Variants in NAV2 observed in about 807,000 individuals in gnomAD.
NAV2 encodes neuron navigator 2, also known as helicase, APC down-regulated 1.
In NAV2, 54 loss-of-function variants were observed where a neutral mutation model predicts 223.2. The ratio of observed to expected loss-of-function variants is 0.24; its 90% CI spans 0.19 to 0.30. NAV2 has a LOEUF of 0.30. NAV2 is among the 10% of genes least tolerant of loss of function. NAV2 has a pLI of 1.00. For synonymous variants in NAV2, 1,279 were observed against 1,239.3 expected (o/e 1.03, Z -0.67); for missense variants, 2,806 against 3,147.5 (o/e 0.89, Z 2.60).
chr11:19,842,045 C>T (rs2060541430), intron 2 of NAV2, among the ~76,000 whole-genome samples: 1 of 152,138 alleles, frequency 6.6e-6, no homozygotes, highest in Admixed American at 6.5e-5. Context: ...CGTATCTTTG[C>T]CTCCAAAGTC....
intron 1 of NAV2, among the ~76,000 whole-genome samples, chr11:19,786,060 CA>C (rs1236904532): frequency 5.3e-5 from 8 of 152,080 alleles, no homozygotes; most frequent in Non-Finnish European, 2.9e-5. Context: ...AAAAAAAGGG[CA>C]AAGACAGGAA....
rs148612815 is a variant in NAV2 at position 19,762,858 on chromosome 11, C to T, written c.267+48896C>T. On this transcript the variant is annotated intron_variant, in intron 1 of 37. Transcript: ENST00000349880. ...CAATTTCTTGACCTTGTGATCCGCC[C>T]GCCTCAGCCTCCCAAAGTACTAGGA... 3.8e-3 allele frequency among the ~76,000 whole-genome samples: 571 copies of T among 152,184 alleles called. 3 individuals are homozygous for T. The highest frequency in any genetic ancestry group is 0.02 in the Middle Eastern group (6 of 294).
At chr11:19,392,304 C>A (rs1264615378) in intron 1 of NAV2, among the ~76,000 whole-genome samples, 1 of 152,142 alleles carries the variant, frequency 6.6e-6, no homozygotes, top group Non-Finnish European at 1.5e-5. Context: ...ATATAACAAA[C>A]CACTCCAACA....
chr11:20,024,936 A>C (rs2054901801), intron 11 of NAV2, among the ~76,000 whole-genome samples: 1 of 152,228 alleles, frequency 6.6e-6, no homozygotes, highest in African/African-American at 2.4e-5. Flanking sequence ...ATGTTTTAAA[A>C]GTAACTTGAT....
Position 19,568,227 on chromosome 11 carries a change from A to C in NAV2, c.75+217200A>C, listed in dbSNP as rs2045327618. ...TCTTCCTTTGAGTATCACTCTGTGA[A>C]GCTTAGGAGGCCACCAGGGCTGTCT... On this transcript the variant is annotated intron_variant, in intron 1 of 37. Transcript: ENST00000360655. Among the ~76,000 whole-genome samples the C allele has an allele frequency of 2.0e-5, 3 of 152,220 alleles. No homozygotes were observed. In the South Asian group the frequency reaches 6.2e-4, roughly 31 times the overall value.
At chr11:20,033,254 T>C (rs2055967704) in intron 11 of NAV2, among the ~76,000 whole-genome samples, 1 of 152,234 alleles carries the variant, frequency 6.6e-6, no homozygotes, top group Admixed American at 6.5e-5. Context: ...TAACAATATA[T>C]TTAAAGTACC....
intron 10 of NAV2, 130 bp downstream of exon 10, chr11:19,949,210 C>T (rs748237102): frequency 7.5e-5 from 78 of 1,033,310 alleles, no homozygotes; most frequent in Non-Finnish European, 1.1e-4. Flanking sequence ...CTGTCCATAT[C>T]AAAGGCTGTG....
At chr11:19,732,326 G>A (rs2051869654) in intron 1 of NAV2, among the ~76,000 whole-genome samples, 1 of 151,792 alleles carries the variant, frequency 6.6e-6, no homozygotes, top group Non-Finnish European at 1.5e-5. Flanking sequence ...CATCTCTACT[G>A]TGTGACCTCA....
chr11:19,445,185 C>T lies in NAV2; in HGVS notation c.75+94158C>T, dbSNP rs116714470. On this transcript the variant is annotated intron_variant, in intron 1 of 37. Coordinates refer to the NAV2 transcript ENST00000360655. Reference sequence around the variant, plus strand: ...CAGGTGCAAAACAGACAGTCAAACACGGGAAGAGGAAATAAGGAATGTGGT... The same window carrying T: ...CAGGTGCAAAACAGACAGTCAAACATGGGAAGAGGAAATAAGGAATGTGGT... Among the ~76,000 whole-genome samples, 7 of 152,074 alleles carry T rather than the reference C, an allele frequency of 4.6e-5. No homozygotes were observed. In the East Asian group the frequency reaches 5.8e-4, roughly 13 times the overall value.
chr11:19,965,417 A>C lies in NAV2; in HGVS notation c.2645+16337A>C, dbSNP rs190486934. Among the ~76,000 whole-genome samples the C allele has an allele frequency of 9.1e-4, 139 of 152,228 alleles. 2 individuals carry two copies. The highest frequency in any genetic ancestry group is 1.7e-3 in the Non-Finnish European group (113 of 68,012). Reference sequence around the variant, plus strand: ...TTTTTTTCCCACACCCAGAACCCAGAATCTTAGACTCTTCCATTCTCTTGT... The same window carrying C: ...TTTTTTTCCCACACCCAGAACCCAGCATCTTAGACTCTTCCATTCTCTTGT... On this transcript the variant is annotated intron_variant, in intron 10 of 37. Transcript: ENST00000349880.
chr11:19,606,429 C>T (rs137937698), intron 1 of NAV2, among the ~76,000 whole-genome samples: 9 of 152,316 alleles, frequency 5.9e-5, no homozygotes, highest in South Asian at 2.1e-4. Context: ...AGAGTAAGAG[C>T]TTTGACTCAG....
At chr11:19,587,611 A>G (rs75122022) in intron 1 of NAV2, among the ~76,000 whole-genome samples, 1,626 of 152,322 alleles carry the variant, frequency 0.011, 18 homozygotes, top group East Asian at 0.059. Context: ...GGTTGAAAGC[A>G]TCTGACTTCA....
At chr11:20,055,589 T>C (rs1028283937) in intron 18 of NAV2, among the ~76,000 whole-genome samples, 180 bp from the exon 19 acceptor site, 1 of 152,212 alleles carries the variant, frequency 6.6e-6, no homozygotes, top group Non-Finnish European at 1.5e-5. Flanking sequence ...TTTTTACTCT[T>C]ATTTTTAGCT....
chr11:19,918,704 T>C (rs1254023902), intron 6 of NAV2, among the ~76,000 whole-genome samples: 1 of 152,230 alleles, frequency 6.6e-6, no homozygotes, highest in Admixed American at 6.5e-5. Flanking sequence ...TGAGTTTGAT[T>C]TTAATCACTA....
chr11:19,872,511 T>G (rs1029764829), intron 4 of NAV2, among the ~76,000 whole-genome samples: 1 of 152,268 alleles, frequency 6.6e-6, no homozygotes, highest in Non-Finnish European at 1.5e-5. Context: ...CAGTGTGGTG[T>G]ATTAAAAAGT....
chr11:19,866,448 AAAG>A (rs1414259045), intron 3 of NAV2, among the ~76,000 whole-genome samples: 4 of 152,230 alleles, frequency 2.6e-5, no homozygotes, highest in African/African-American at 9.7e-5. Context: ...AAAAGTTAAC[AAAG>A]AAGAAGTATT....
At chr11:19,777,735 T>C (rs948535545) in intron 1 of NAV2, 1 of 410,396 alleles carries the variant, frequency 2.4e-6, no homozygotes, top group Non-Finnish European at 5.0e-6. Context: ...TGGTTGTGAG[T>C]CATTGAAGGG....
chr11:20,083,300 T>C (rs2060207345), intron 26 of NAV2, 121 bp downstream of exon 26: 3 of 748,788 alleles, frequency 4.0e-6, no homozygotes, highest in Admixed American at 5.7e-5. Flanking sequence ...TTTGCTTTAA[T>C]AGGACTGTGC....
At chr11:19,827,626 A>G (rs1434191671) in intron 1 of NAV2, among the ~76,000 whole-genome samples, 1 of 152,192 alleles carries the variant, frequency 6.6e-6, no homozygotes. Flanking sequence ...CCTCCCCTTC[A>G]AAGGCTGGAG....
Sources: allele counts gnomAD v4.1 joint callset (sites outside exome capture counted in the v4.1 genomes callset), GRCh38; gene constraint gnomAD v4.1.1; transcripts MANE v1.5; gene names NCBI Gene and HGNC (gene_info 2026-07-23, HGNC 2026-07-21).